ASCC3: variants seen among roughly 807,000 people sequenced by gnomAD.
ASCC3 encodes the protein activating signal cointegrator 1 complex subunit 3, also known as ASC-1 complex subunit P200.
In ASCC3, 158 loss-of-function variants were observed where a neutral mutation model predicts 256.3. The observed-to-expected ratio is 0.62, with a 90% CI of 0.54 to 0.70. The LOEUF (loss-of-function observed/expected upper bound fraction) is 0.70. ASCC3 is among the 30% of genes least tolerant of loss of function. The pLI is 0.00. For synonymous variants in ASCC3, 948 were observed against 883.4 expected (o/e 1.07, Z -1.30); for missense variants, 2,259 against 2,626.0 (o/e 0.86, Z 3.05).
In ASCC3 at chr6:100,647,341, C is replaced by G. The variant is rs1472396553; in HGVS notation, c.3363G>C (p.Trp1121Cys). Residue 1121 changes from tryptophan to cysteine, a missense_variant, in exon 21 of 42, where the codon TGG becomes TGC. Physicochemically the swap from Trp to Cys is radical, Grantham distance 215. Coordinates refer to ENST00000369162, the MANE Select transcript of ASCC3 (RefSeq NM_006828.4). The part of the protein sequence containing the change: ...NLSKVIDKRL[W>C]GWASPLRQFS... ...ATTGTCTCAAAGGGCTAGCCCAACC[C>G]CAAAGCCTCTTGTCAATGACTTTAC... The G allele has an allele frequency of 3.1e-6, 5 of 1,613,822 alleles. No individual in the cohort carries two copies. Among genetic ancestry groups the G allele is most frequent in the Non-Finnish European group, 3.4e-6 (4 of 1,179,948 alleles).
chr6:100,623,727 GA>G (rs1211981696), intron 30 of ASCC3, among the ~76,000 whole-genome samples: 2 of 152,072 alleles, frequency 1.3e-5, no homozygotes, highest in Non-Finnish European at 2.9e-5. Context: ...TTCAAAACTG[GA>G]AAAGTGTAAG....
At chr6:100,785,941 T>C (rs539809313) in intron 8 of ASCC3, among the ~76,000 whole-genome samples, 1 of 152,204 alleles carries the variant, frequency 6.6e-6, no homozygotes, top group South Asian at 2.1e-4. Context: ...AGCAATACCA[T>C]GTTTAACAAG....
intron 23 of ASCC3, 108 bp downstream of exon 23, chr6:100,643,923 A>G (rs1332765875): frequency 1.6e-5 from 12 of 737,132 alleles, no homozygotes; most frequent in Non-Finnish European, 2.4e-5. Context: ...AAAACATAAA[A>G]TAAAGTTTTA....
chr6:100,758,087 T>C (rs1781266507), intron 10 of ASCC3, among the ~76,000 whole-genome samples: 1 of 152,084 alleles, frequency 6.6e-6, no homozygotes, highest in African/African-American at 2.4e-5. Context: ...GGAAGCCCTC[T>C]GATATCATAA....
intron 36 of ASCC3, among the ~76,000 whole-genome samples, chr6:100,551,734 A>G (rs1018568430): frequency 1.1e-4 from 17 of 152,140 alleles, no homozygotes; most frequent in African/African-American, 3.9e-4. Flanking sequence ...ATGTTTATCA[A>G]TTATCAAATC....
intron 8 of ASCC3, among the ~76,000 whole-genome samples, chr6:100,780,555 G>C (rs1183239244): frequency 6.6e-6 from 1 of 152,086 alleles, no homozygotes; most frequent in Non-Finnish European, 1.5e-5. Context: ...AGTGAGCCAT[G>C]ATCATGCCAC....
chr6:100,824,592 A>G (rs1395596947), intron 4 of ASCC3, among the ~76,000 whole-genome samples: 2 of 152,180 alleles, frequency 1.3e-5, no homozygotes, highest in East Asian at 3.8e-4. Context: ...CAATATTGAG[A>G]TCAGCCACTA....
At chr6:100,843,323 T>A (rs1047077472) in intron 4 of ASCC3, among the ~76,000 whole-genome samples, 6 of 152,138 alleles carry the variant, frequency 3.9e-5, no homozygotes, top group African/African-American at 1.4e-4. Flanking sequence ...ATCTGGAGGT[T>A]CAGAAATGAA....
At chr6:100,728,460 T>C (rs1343984108) in intron 10 of ASCC3, among the ~76,000 whole-genome samples, 1 of 152,026 alleles carries the variant, frequency 6.6e-6, no homozygotes, top group East Asian at 1.9e-4. Context: ...GAAATATGCA[T>C]GCGTTGTGAC....
chr6:100,664,557 T>C (rs1445054031), intron 14 of ASCC3, among the ~76,000 whole-genome samples: 2 of 152,108 alleles, frequency 1.3e-5, no homozygotes, highest in African/African-American at 4.8e-5. Context: ...GGAGAGCTTC[T>C]TAAAGTTTCA....
At position 100,685,016 on chromosome 6, in the gene ASCC3, C is replaced by A. The variant is rs569863756; in HGVS notation, c.2152-5264G>T. On this transcript the variant is annotated intron_variant, in intron 13 of 41. Transcript: ENST00000369162. ...TAGAGACAGGGTTTCACCGTATTAGCCAGGATGGTCTCGATCTCCTGACCT... is the reference window on the plus strand; with the variant it reads ...TAGAGACAGGGTTTCACCGTATTAGACAGGATGGTCTCGATCTCCTGACCT... 3.3e-3 allele frequency among the ~76,000 whole-genome samples: 498 copies of A among 152,040 alleles called. 2 individuals are homozygous for A. The highest frequency in any genetic ancestry group is 5.6e-3 in the Non-Finnish European group (382 of 67,988).
At chr6:100,701,786 G>A (rs1245189616) in intron 13 of ASCC3, among the ~76,000 whole-genome samples, 1 of 152,124 alleles carries the variant, frequency 6.6e-6, no homozygotes, top group African/African-American at 2.4e-5. Context: ...GGGTTTCTCT[G>A]AGAAAGATGA....
chr6:100,690,120 C>T (rs1410356530), intron 13 of ASCC3, among the ~76,000 whole-genome samples: 1 of 152,032 alleles, frequency 6.6e-6, no homozygotes, highest in African/African-American at 2.4e-5. Context: ...ATGCTTAAGA[C>T]CCTTATATAA....
chr6:100,550,458 T>A (rs1337184589), intron 36 of ASCC3, among the ~76,000 whole-genome samples: 1 of 152,020 alleles, frequency 6.6e-6, no homozygotes, highest in Non-Finnish European at 1.5e-5. Flanking sequence ...GTTTCTAGTA[T>A]TCAAAAGTAT....
At chr6:100,825,037 C>T (rs1243768777) in intron 4 of ASCC3, among the ~76,000 whole-genome samples, 1 of 151,964 alleles carries the variant, frequency 6.6e-6, no homozygotes, top group African/African-American at 2.4e-5. Context: ...ATGATTGAAC[C>T]ATATTTATTG....
chr6:100,811,354 C>T (rs897948226), intron 4 of ASCC3, among the ~76,000 whole-genome samples: 5 of 152,198 alleles, frequency 3.3e-5, no homozygotes, highest in Admixed American at 6.5e-5. Flanking sequence ...ATCTTTCTCC[C>T]TTCATCACCA....
intron 4 of ASCC3, among the ~76,000 whole-genome samples, chr6:100,827,619 G>A (rs890686054): frequency 6.6e-6 from 1 of 152,020 alleles, no homozygotes; most frequent in East Asian, 1.9e-4. Context: ...TGGCAATTAA[G>A]TCTTTTTTTA....
chr6:100,546,678 G>A (rs948876693), intron 36 of ASCC3, among the ~76,000 whole-genome samples: 4 of 152,030 alleles, frequency 2.6e-5, no homozygotes, highest in African/African-American at 9.7e-5. Context: ...GCATTGTCCA[G>A]AAAAATTTAA....
chr6:100,652,415 G>A (rs1775716701), intron 18 of ASCC3, among the ~76,000 whole-genome samples: 1 of 152,068 alleles, frequency 6.6e-6, no homozygotes, highest in Admixed American at 6.6e-5. Flanking sequence ...GGGGAAAGAC[G>A]GGGGAAAGTT....
Sources: allele counts gnomAD v4.1 joint callset (sites outside exome capture counted in the v4.1 genomes callset), GRCh38; gene constraint gnomAD v4.1.1; transcripts MANE v1.5; gene names NCBI Gene and HGNC (gene_info 2026-07-23, HGNC 2026-07-21).